Variants in NRCAM observed in about 807,000 individuals in gnomAD.
The protein encoded by NRCAM is neuronal cell adhesion molecule, also known as NgCAM-related cell adhesion molecule.
NRCAM carries 83 observed loss-of-function variants against 156.5 expected under a neutral mutation model. That is an observed-to-expected ratio of 0.53 (90% CI 0.44 to 0.64). The LOEUF (loss-of-function observed/expected upper bound fraction) is 0.64. NRCAM is among the 30% of genes least tolerant of loss of function. The pLI is 0.00. For missense variants in NRCAM, 1,417 were observed against 1,597.3 expected (o/e 0.89, Z 1.92); for synonymous variants, 538 against 563.9 (o/e 0.95, Z 0.65).
At chr7:108,388,923 T>C (rs1377796766) in intron 2 of NRCAM, among the ~76,000 whole-genome samples, 1 of 152,204 alleles carries the variant, frequency 6.6e-6, no homozygotes, top group Non-Finnish European at 1.5e-5. Flanking sequence ...TCTATATCTC[T>C]GTTTTGGTAC....
intron 3 of NRCAM, among the ~76,000 whole-genome samples, chr7:108,253,513 T>G (rs1467849546): frequency 2.0e-5 from 3 of 152,060 alleles, no homozygotes; most frequent in African/African-American, 7.2e-5. Context: ...GGATACTAAG[T>G]GAGGGTGATG....
chr7:108,194,215 A>G (rs749439292), intron 16 of NRCAM, 44 bp from the exon 17 acceptor site: 1 of 1,611,490 alleles, frequency 6.2e-7, no homozygotes, highest in Non-Finnish European at 8.5e-7. Flanking sequence ...AAGCTGGAGA[A>G]TTTGTTCAAA....
In NRCAM at chr7:108,184,128, A is replaced by ATAT. The variant is rs1491201025; in HGVS notation, c.2304+112_2304+113insATA. 3.0e-4 allele frequency: 133 copies of ATAT among 450,360 alleles called. 3 individuals carry two copies. The Middle Eastern group carries it at 7.5e-3, about 25-fold the overall frequency. 27.9% of individuals were successfully genotyped at this position (450,360 alleles called of 1,614,324 possible). A position where few individuals can be genotyped will look rare whatever the true frequency, so the allele number is the denominator to read the frequency against. On this transcript the variant is annotated intron_variant, in intron 22 of 32. Coordinates refer to ENST00000379028, the MANE Select transcript of NRCAM (RefSeq NM_001037132.4). ...TATGTATCTTTATATATATATATAT[A>ATAT]TTTTTTTTCCCCAGAAATAGGTGAA... is the stretch of plus-strand genomic sequence containing the variant.
chr7:108,375,703 T>A lies in NRCAM; in HGVS notation c.-174+23733A>T, dbSNP rs753796842. Among the ~76,000 whole-genome samples, 4 of 152,218 alleles carry A rather than the reference T, an allele frequency of 2.6e-5. No homozygotes were observed. In the East Asian group the frequency reaches 7.7e-4, roughly 29 times the overall value. ...ATCTTATATACAGCCAAAGCAAGTA[T>A]ACGGAAATTAGTTAACCCCATGAAT... On this transcript the variant is annotated intron_variant, in intron 2 of 32. Transcript: ENST00000379028.
At chr7:108,301,156 A>T (rs1362534427) in intron 3 of NRCAM, among the ~76,000 whole-genome samples, 1 of 152,238 alleles carries the variant, frequency 6.6e-6, no homozygotes, top group Non-Finnish European at 1.5e-5. Context: ...AATTCTATAT[A>T]ATTTGAACAA....
rs1043183630 is a variant in NRCAM, at chr7:108,232,335, G to A, written c.418C>T (p.Arg140Cys). 8.8e-6 allele frequency: 14 copies of A among 1,599,968 alleles called. No individual in the cohort carries two copies. Among genetic ancestry groups the A allele is most frequent in the African/African-American group, 2.7e-5 (2 of 74,012 alleles). The change falls in exon 7 of 33, where the codon CGC becomes TGC. Residue 140 changes from arginine (R) to cysteine (C), a missense_variant. Arg to Cys is a radical substitution (Grantham distance 180, BLOSUM62 -3). Coordinates refer to ENST00000379028, the MANE Select transcript of NRCAM (RefSeq NM_001037132.4). ...ACAAGTTTCCACTTACTGGATGGGC[G>A]GACAACAATGTTATTAGAAACTGCA... is the stretch of plus-strand genomic sequence containing the variant. ...GAAVSNNIVV[R>C]PSRSPLWTKE... is the part of the protein sequence containing the mutation.
At chr7:108,226,987 A>C (rs1286037057) in intron 8 of NRCAM, among the ~76,000 whole-genome samples, 1 of 152,156 alleles carries the variant, frequency 6.6e-6, no homozygotes, top group African/African-American at 2.4e-5. Context: ...CCTGCCCCTC[A>C]CAAGCCTCCC....
chr7:108,316,971 A>G (rs1458956728), intron 2 of NRCAM, among the ~76,000 whole-genome samples: 1 of 152,106 alleles, frequency 6.6e-6, no homozygotes, highest in Non-Finnish European at 1.5e-5. Context: ...AAGAGAGCTA[A>G]TATGTGTCAC....
chr7:108,364,352 T>C (rs995647504), intron 2 of NRCAM, among the ~76,000 whole-genome samples: 2 of 152,164 alleles, frequency 1.3e-5, no homozygotes, highest in South Asian at 4.1e-4. Flanking sequence ...AAGCTGACAA[T>C]AGCAAGTGTT....
chr7:108,420,146 T>C (rs1354958913), intron 1 of NRCAM, among the ~76,000 whole-genome samples: 1 of 152,046 alleles, frequency 6.6e-6, no homozygotes, highest in Non-Finnish European at 1.5e-5. Flanking sequence ...TTAAGGAATC[T>C]GGGAAAGAAA....
At chr7:108,361,517 G>C (rs2099550795) in intron 2 of NRCAM, among the ~76,000 whole-genome samples, 1 of 152,192 alleles carries the variant, frequency 6.6e-6, no homozygotes, top group African/African-American at 2.4e-5. Context: ...CTTCCTGTCT[G>C]ACAGTTTTTG....
At chr7:108,420,906 G>A (rs1808698887) in intron 1 of NRCAM, among the ~76,000 whole-genome samples, 1 of 152,172 alleles carries the variant, frequency 6.6e-6, no homozygotes, top group South Asian at 2.1e-4. Flanking sequence ...AATGTAGAAT[G>A]GGAAGAAACT....
chr7:108,451,189 A>C (rs1849877422), intron 1 of NRCAM, among the ~76,000 whole-genome samples: 1 of 151,750 alleles, frequency 6.6e-6, no homozygotes, highest in African/African-American at 2.4e-5. Flanking sequence ...ATTGCACTCC[A>C]GCCCAAGTGA....
chr7:108,299,103 CTCAAAAAAA>C (rs1259297926), intron 3 of NRCAM, among the ~76,000 whole-genome samples: 25 of 6,044 alleles, frequency 4.1e-3, no homozygotes, highest in African/African-American at 8.7e-3. Context: ...AAGACTCCAT[CTCAAAAAAA>C]AAAAAGAAAG....
intron 3 of NRCAM, among the ~76,000 whole-genome samples, chr7:108,300,160 CTTTTTTTTTTTTTTTT>C (rs10665036): frequency 3.0e-5 from 2 of 65,868 alleles, no homozygotes; most frequent in Admixed American, 2.2e-4. Context: ...TTTCTGTTGA[CTTTTTTTTTTTTTTTT>C]TTTTTTTTTT....
chr7:108,348,707 A>C (rs1227255828), intron 2 of NRCAM, among the ~76,000 whole-genome samples: 1 of 151,772 alleles, frequency 6.6e-6, no homozygotes, highest in African/African-American at 2.4e-5. Context: ...GGAGGTCAGG[A>C]GTTCGAGACT....
intron 30 of NRCAM, among the ~76,000 whole-genome samples, chr7:108,162,853 A>G (rs2050112518): frequency 6.6e-6 from 1 of 152,266 alleles, no homozygotes; most frequent in African/African-American, 2.4e-5. Flanking sequence ...AAACTGTGTA[A>G]ATGGAATAAA....
At chr7:108,292,972 A>ATCAATGGT (rs1306392469) in intron 3 of NRCAM, among the ~76,000 whole-genome samples, 13 of 152,218 alleles carry the variant, frequency 8.5e-5, no homozygotes, top group African/African-American at 3.1e-4. Context: ...GAAGGCCCAA[A>ATCAATGGT]TCAATGGTTT....
chr7:108,337,745 T>A (rs1330321849), intron 2 of NRCAM, among the ~76,000 whole-genome samples: 1 of 151,974 alleles, frequency 6.6e-6, no homozygotes, highest in Non-Finnish European at 1.5e-5. Context: ...GGAAGCAGCC[T>A]GCCACCATCT....
Sources: gnomAD v4.1 joint callset for allele counts (sites outside exome capture counted in the v4.1 genomes callset) on GRCh38, gnomAD v4.1.1 for gene constraint, MANE v1.5 for transcripts, NCBI Gene and HGNC (gene_info 2026-07-23, HGNC 2026-07-21) for gene names.